FOXP1: variants seen among roughly 807,000 people sequenced by gnomAD.
FOXP1 encodes the protein forkhead box P1, also known as forkhead box protein P1.
Under a neutral mutation model 98.2 loss-of-function variants are expected in FOXP1, and 15 were observed. The observed-to-expected ratio is 0.15, with a 90% confidence interval of 0.10 to 0.24. The LOEUF is 0.24. Among genes scored for constraint, FOXP1 ranks in the 10% least tolerant of loss-of-function variants. The pLI is 1.00. For synonymous variants in FOXP1, 371 were observed against 314.5 expected (o/e 1.18, Z -1.90); for missense variants, 633 against 848.5 (o/e 0.75, Z 3.15).
At chr3:71,092,348 C>T (rs1252609141) in intron 7 of FOXP1, among the ~76,000 whole-genome samples, 1 of 152,032 alleles carries the variant, frequency 6.6e-6, no homozygotes, top group Non-Finnish European at 1.5e-5. Flanking sequence ...TGCACTCCAG[C>T]CTGGGTGACA....
intron 7 of FOXP1, among the ~76,000 whole-genome samples, chr3:71,105,716 T>C (rs377296570): frequency 9.2e-5 from 14 of 152,222 alleles, no homozygotes; most frequent in African/African-American, 3.4e-4. Flanking sequence ...GAAATAACTT[T>C]GCTTTGCTGT....
chr3:71,317,386 T>G (rs1439288266), intron 4 of FOXP1, among the ~76,000 whole-genome samples: 2 of 152,188 alleles, frequency 1.3e-5, no homozygotes, highest in Non-Finnish European at 2.9e-5. Context: ...AACCGCATAT[T>G]AAATGGGAAT....
chr3:71,462,064 C>A (rs887813939), intron 3 of FOXP1, among the ~76,000 whole-genome samples: 3 of 152,114 alleles, frequency 2.0e-5, no homozygotes, highest in Admixed American at 1.3e-4. Context: ...ATATTGTCTG[C>A]CTTAAATAGT....
intron 5 of FOXP1, among the ~76,000 whole-genome samples, chr3:71,231,487 A>C (rs1353674615): frequency 6.6e-6 from 1 of 152,232 alleles, no homozygotes; most frequent in Non-Finnish European, 1.5e-5. Context: ...GAATTACTAT[A>C]ATTTATTATA....
intron 3 of FOXP1, among the ~76,000 whole-genome samples, chr3:71,474,776 G>A (rs2089674479): frequency 6.6e-6 from 1 of 151,968 alleles, no homozygotes; most frequent in Admixed American, 6.6e-5. Flanking sequence ...ATATTATGGT[G>A]AGTTGTATAA....
In FOXP1 at chr3:71,070,385, T is replaced by G. The variant is rs2053070601; in HGVS notation, c.283-16612A>C. 1.3e-5 allele frequency among the ~76,000 whole-genome samples: 2 copies of G among 152,206 alleles called. 1 individual carries two copies. Among genetic ancestry groups the G allele is most frequent in the South Asian group, 4.1e-4 (2 of 4,838 alleles). The stretch of plus-strand genomic sequence containing the variant: ...CCGGGGAGAGCATGTCGGCGCATTT[T>G]CAATAAAACACCTTCTTAGCAGTAA... On this transcript the variant is annotated intron_variant, in intron 7 of 20. Transcript: ENST00000649528.
At chr3:71,418,383 C>G (rs964949240) in intron 3 of FOXP1, among the ~76,000 whole-genome samples, 1 of 152,154 alleles carries the variant, frequency 6.6e-6, no homozygotes, top group African/African-American at 2.4e-5. Context: ...TATTCTCCTG[C>G]ACAGGAAAAA....
intron 2 of FOXP1, among the ~76,000 whole-genome samples, chr3:71,569,121 C>T (rs750485637): frequency 2.0e-5 from 3 of 152,088 alleles, no homozygotes; most frequent in Non-Finnish European, 4.4e-5. Flanking sequence ...AATACATGCT[C>T]CAAGCTGCAA....
chr3:71,383,766 CAGAAAG>C (rs1352664397), intron 3 of FOXP1, among the ~76,000 whole-genome samples: 2 of 151,994 alleles, frequency 1.3e-5, no homozygotes, highest in African/African-American at 2.4e-5. Context: ...AATGGTGAGA[CAGAAAG>C]AGAAAACTAA....
intron 2 of FOXP1, among the ~76,000 whole-genome samples, chr3:71,500,360 C>A (rs754704933): frequency 3.5e-4 from 54 of 152,204 alleles, no homozygotes; most frequent in Admixed American, 9.8e-4. Context: ...AACTCGCAGG[C>A]TAGTGAGATT....
intron 4 of FOXP1, among the ~76,000 whole-genome samples, chr3:71,346,719 T>G (rs368074722): frequency 6.6e-6 from 1 of 152,206 alleles, no homozygotes. Flanking sequence ...CAGTTTTTTT[T>G]CCAGAGGGTT....
chr3:71,351,269 T>C (rs1349075005), intron 4 of FOXP1, among the ~76,000 whole-genome samples: 1 of 152,054 alleles, frequency 6.6e-6, no homozygotes, highest in East Asian at 1.9e-4. Flanking sequence ...CAATCTGACT[T>C]TTCAACATTA....
At chr3:71,437,667 A>C (rs1239362135) in intron 3 of FOXP1, among the ~76,000 whole-genome samples, 1 of 152,168 alleles carries the variant, frequency 6.6e-6, no homozygotes, top group Admixed American at 6.5e-5. Context: ...CTCTCCACCC[A>C]GCATAAAACG....
At chr3:71,302,684 A>G (rs1005980054) in intron 4 of FOXP1, 1 of 152,088 alleles carries the variant, frequency 6.6e-6, no homozygotes, top group African/African-American at 2.4e-5. Flanking sequence ...AGGATATGGT[A>G]AACAGAAATT....
intron 2 of FOXP1, among the ~76,000 whole-genome samples, chr3:71,546,016 T>C (rs1044420830): frequency 3.3e-5 from 5 of 152,256 alleles, no homozygotes; most frequent in African/African-American, 9.6e-5. Flanking sequence ...ATCAACTCTA[T>C]TGCCTTTCAA....
chr3:71,325,150 T>C (rs1301298780), intron 4 of FOXP1, among the ~76,000 whole-genome samples: 1 of 151,838 alleles, frequency 6.6e-6, no homozygotes, highest in Non-Finnish European at 1.5e-5. Flanking sequence ...CCTCCCGGGT[T>C]CAAGAGATTC....
chr3:71,025,249 C>A (rs941090489), intron 11 of FOXP1, among the ~76,000 whole-genome samples: 1 of 152,094 alleles, frequency 6.6e-6, no homozygotes, highest in East Asian at 1.9e-4. Flanking sequence ...GGGCATACAA[C>A]CTTCCTTTCC....
chr3:71,570,121 T>C (rs2047221633), intron 2 of FOXP1: 1 of 152,102 alleles, frequency 6.6e-6, no homozygotes, highest in Non-Finnish European at 1.5e-5. Context: ...CTCTGACAAG[T>C]CCCTACCTGA....
chr3:71,296,862 T>TG (rs2073353521), intron 5 of FOXP1, among the ~76,000 whole-genome samples: 1 of 152,204 alleles, frequency 6.6e-6, no homozygotes, highest in Admixed American at 6.5e-5. Flanking sequence ...AAAAAGAGCC[T>TG]GGCTCCCCTT....
Sources: gnomAD v4.1 joint callset for allele counts (sites outside exome capture counted in the v4.1 genomes callset) on GRCh38, gnomAD v4.1.1 for gene constraint, MANE v1.5 for transcripts, NCBI Gene and HGNC (gene_info 2026-07-23, HGNC 2026-07-21) for gene names.